The following RBFOX1 variants were observed in gnomAD, a reference collection of about 807,000 sequenced individuals.
RBFOX1 encodes RNA binding protein fox-1 homolog 1.
RBFOX1 carries 8 observed loss-of-function variants against 57.7 expected under a neutral mutation model. The ratio of observed to expected loss-of-function variants is 0.14; its 90% CI spans 0.08 to 0.25. The LOEUF is 0.25. RBFOX1 is among the 10% of genes least tolerant of loss of function. The probability of loss-of-function intolerance (pLI) is 1.00; values close to 1 mark genes in which losing one functional copy is unlikely to be tolerated. For synonymous variants in RBFOX1, 326 were observed against 222.4 expected, an observed-to-expected ratio of 1.47 and a Z score of -4.15; for missense variants, 611 against 548.5, an observed-to-expected ratio of 1.11 and a Z score of -1.14.
At chr16:6,848,322 C>T (rs1329488796) in intron 3 of RBFOX1, among the ~76,000 whole-genome samples, 2 of 152,080 alleles carry the variant, frequency 1.3e-5, no homozygotes, top group Non-Finnish European at 2.9e-5. Flanking sequence ...CTCATTTCTC[C>T]AGAGAAGTTT....
Position 7,517,138 on chromosome 16 carries a change from CGTGTGTGTGTGT to C in RBFOX1, c.28-970_28-959del, listed in dbSNP as rs200887129. The stretch of plus-strand genomic sequence containing the variant: ...ACCTTTGGGTTACAATTTCTTATGC[CGTGTGTGTGTGT>C]GTGTGTGTGTGTGTGTGTGTGTGTG... On this transcript the variant is annotated intron_variant, in intron 4 of 15. Coordinates refer to ENST00000550418, the MANE Select transcript of RBFOX1 (RefSeq NM_018723.4). Among the ~76,000 whole-genome samples the C allele has an allele frequency of 4.2e-3, 547 of 130,202 alleles. 2 individuals carry two copies. Among genetic ancestry groups the C allele is most frequent in the East Asian group, 0.016 (69 of 4,370 alleles). 85.4% of individuals were successfully genotyped at this position (130,202 alleles called of 152,430 possible).
chr16:5,806,381 G>T (rs1483523627), intron 3 of RBFOX1, among the ~76,000 whole-genome samples: 1 of 152,166 alleles, frequency 6.6e-6, no homozygotes, highest in Non-Finnish European at 1.5e-5. Flanking sequence ...GGGTAACAGG[G>T]ACAAATGCTA....
intron 3 of RBFOX1, among the ~76,000 whole-genome samples, chr16:6,917,164 G>T (rs952829160): frequency 9.9e-5 from 15 of 152,048 alleles, no homozygotes; most frequent in Admixed American, 6.6e-5. Context: ...AAATGATTTT[G>T]TCCACAGAGC....
chr16:6,650,425 G>A (rs1446905760), intron 2 of RBFOX1, among the ~76,000 whole-genome samples: 1 of 152,124 alleles, frequency 6.6e-6, no homozygotes, highest in African/African-American at 2.4e-5. Context: ...CACCTGATGA[G>A]GGATCACTTC....
intron 4 of RBFOX1, among the ~76,000 whole-genome samples, chr16:7,165,470 C>T (rs551216660): frequency 1.3e-5 from 2 of 150,454 alleles, no homozygotes; most frequent in East Asian, 3.9e-4. Context: ...GCTCTTGTTC[C>T]CCAGGCTGGA....
Position 6,555,474 on chromosome 16 carries a change from C to T in RBFOX1, c.-63-99129C>T, listed in dbSNP as rs9937618. Among the ~76,000 whole-genome samples, 265 of 152,174 alleles carry T rather than the reference C, an allele frequency of 1.7e-3. 2 individuals carry two copies. The highest frequency in any genetic ancestry group is 6.1e-3 in the African/African-American group (252 of 41,548). ...CAGCACTTTGGGAGGCGGAGACAGG[C>T]GGATCACGAGGTCAGGAGATCGAGA... On this transcript the variant is annotated intron_variant, in intron 2 of 15. Transcript: ENST00000550418.
intron 4 of RBFOX1, among the ~76,000 whole-genome samples, chr16:7,237,920 C>G (rs1319024632): frequency 6.6e-6 from 1 of 152,228 alleles, no homozygotes; most frequent in Admixed American, 6.5e-5. Flanking sequence ...ATGAGAATTG[C>G]TTGAACCCTG....
At chr16:5,872,449 G>C (rs534087667) in intron 4 of RBFOX1, among the ~76,000 whole-genome samples, 2 of 152,324 alleles carry the variant, frequency 1.3e-5, no homozygotes, top group East Asian at 3.9e-4. Context: ...TGCAATGCCT[G>C]GCTGGGCATG....
At chr16:6,548,829 A>C (rs947988274) in intron 2 of RBFOX1, among the ~76,000 whole-genome samples, 1 of 151,962 alleles carries the variant, frequency 6.6e-6, no homozygotes, top group Non-Finnish European at 1.5e-5. Context: ...TAATCCTAGC[A>C]CTTTGGGAGG....
chr16:5,663,123 C>G (rs1374056239), intron 3 of RBFOX1, among the ~76,000 whole-genome samples: 5 of 152,162 alleles, frequency 3.3e-5, no homozygotes, highest in African/African-American at 9.7e-5. Context: ...AAACACCGTA[C>G]AACGCATAGG....
chr16:5,559,070 C>T (rs1309070506), intron 2 of RBFOX1, among the ~76,000 whole-genome samples: 1 of 146,994 alleles, frequency 6.8e-6, no homozygotes, highest in East Asian at 2.0e-4. Flanking sequence ...GGGGGTTTGC[C>T]TGAGGAAACC....
intron 3 of RBFOX1, among the ~76,000 whole-genome samples, chr16:6,764,876 G>T (rs2077110303): frequency 6.6e-6 from 1 of 152,142 alleles, no homozygotes; most frequent in Non-Finnish European, 1.5e-5. Context: ...GGTGAAGGTT[G>T]CAGTGAGCCG....
intron 4 of RBFOX1, among the ~76,000 whole-genome samples, chr16:7,411,927 T>C (rs769686282): frequency 1.7e-4 from 22 of 126,760 alleles, no homozygotes; most frequent in Non-Finnish European, 3.0e-4. Flanking sequence ...AAAAAAAAGA[T>C]AGGGAAAATC....
At chr16:6,608,958 T>C (rs79908433) in intron 2 of RBFOX1, among the ~76,000 whole-genome samples, 204 of 152,250 alleles carry the variant, frequency 1.3e-3, no homozygotes, top group African/African-American at 4.6e-3. Flanking sequence ...CACAGCCTTT[T>C]CCAAGTTCAA....
intron 3 of RBFOX1, among the ~76,000 whole-genome samples, chr16:6,893,814 C>G (rs1056810640): frequency 1.3e-5 from 2 of 152,102 alleles, no homozygotes; most frequent in African/African-American, 2.4e-5. Flanking sequence ...CTTATAATCA[C>G]TAATAAAAAT....
intron 1 of RBFOX1, among the ~76,000 whole-genome samples, chr16:6,246,381 T>C (rs1023449553): frequency 6.6e-6 from 1 of 152,182 alleles, no homozygotes; most frequent in Non-Finnish European, 1.5e-5. Context: ...ATTTTATCTT[T>C]TAAGCATCAT....
At chr16:5,386,869 G>A (rs1009010140) in intron 1 of RBFOX1, among the ~76,000 whole-genome samples, 1 of 152,252 alleles carries the variant, frequency 6.6e-6, no homozygotes, top group East Asian at 1.9e-4. Flanking sequence ...TGCCCAACAC[G>A]GCGAAACCCC....
chr16:7,466,355 G>C (rs2060517581), intron 4 of RBFOX1, among the ~76,000 whole-genome samples: 1 of 152,102 alleles, frequency 6.6e-6, no homozygotes, highest in Non-Finnish European at 1.5e-5. Context: ...TTCATGCCAA[G>C]CTAGCGCTTC....
chr16:7,152,882 A>G (rs1205959889), intron 4 of RBFOX1, among the ~76,000 whole-genome samples: 1 of 152,344 alleles, frequency 6.6e-6, no homozygotes, highest in African/African-American at 2.4e-5. Context: ...GCAAGACTCA[A>G]GTGGACATAA....
Sources: allele counts gnomAD v4.1 joint callset (sites outside exome capture counted in the v4.1 genomes callset), GRCh38; gene constraint gnomAD v4.1.1; transcripts MANE v1.5; gene names NCBI Gene and HGNC (gene_info 2026-07-23, HGNC 2026-07-21).